PTPRR: variants seen among roughly 807,000 people sequenced by gnomAD.
The protein encoded by PTPRR is receptor-type tyrosine-protein phosphatase R.
PTPRR carries 38 observed loss-of-function variants against 77.2 expected under a neutral mutation model. The observed-to-expected ratio is 0.49, with a 90% CI of 0.38 to 0.65. The LOEUF (loss-of-function observed/expected upper bound fraction) is 0.65. Ranked by LOEUF, PTPRR falls within the 30% of genes least tolerant of loss-of-function variation. The probability of loss-of-function intolerance (pLI) is 0.00; values close to 1 mark genes in which losing one functional copy is unlikely to be tolerated. For synonymous variants in PTPRR, 299 were observed against 283.1 expected, an observed-to-expected ratio of 1.06 and a Z score of -0.57; for missense variants, 744 against 799.2, an observed-to-expected ratio of 0.93 and a Z score of 0.83.
intron 10 of PTPRR, chr12:70,673,031 C>CAAAAA (rs1229938892): frequency 4.4e-4 from 202 of 457,938 alleles, no homozygotes; most frequent in African/African-American, 3.0e-3. Flanking sequence ...CGGGCCAAAG[C>CAAAAA]AAAAAAAAAA....
At chr12:70,805,998 T>C (rs1290051909) in intron 2 of PTPRR, among the ~76,000 whole-genome samples, 1 of 152,210 alleles carries the variant, frequency 6.6e-6, no homozygotes, top group African/African-American at 2.4e-5. Flanking sequence ...TCTTTATATG[T>C]AATATATAGA....
In PTPRR at chr12:70,890,584, T is replaced by C. The variant is rs145638554; in HGVS notation, c.357+2095A>G. Among the ~76,000 whole-genome samples, 541 of 152,140 alleles carry C rather than the reference T, an allele frequency of 3.6e-3. 1 individual carries two copies. The highest frequency in any genetic ancestry group is 0.01 in the African/African-American group (420 of 41,518). On this transcript the variant is annotated intron_variant, in intron 2 of 13. Transcript: ENST00000283228. The stretch of plus-strand genomic sequence containing the variant: ...TTACATATAAAGTTTAGAGGTTGAG[T>C]GTAGCTTTTTACCCTGGCTGGAAAA...
chr12:70,641,355 C>A (rs1025074597), intron 13 of PTPRR, among the ~76,000 whole-genome samples: 4 of 152,126 alleles, frequency 2.6e-5, no homozygotes, highest in African/African-American at 9.7e-5. Context: ...CAAGATTTTC[C>A]CCTTCTTGTA....
intron 2 of PTPRR, among the ~76,000 whole-genome samples, chr12:70,855,823 C>T (rs917052475): frequency 9.9e-5 from 15 of 152,084 alleles, no homozygotes; most frequent in Non-Finnish European, 2.1e-4. Context: ...TGCTTGAAAA[C>T]CTGCATATAA....
rs1565672282 is a variant in PTPRR, at chr12:70,733,449, AG to A, written c.1007+12368del. Among the ~76,000 whole-genome samples, 38 of 93,006 alleles carry A rather than the reference AG, an allele frequency of 4.1e-4. 1 individual carries two copies. The highest frequency in any genetic ancestry group is 4.9e-4 in the Non-Finnish European group (22 of 45,338). 61.0% of individuals were successfully genotyped at this position (93,006 alleles called of 152,430 possible). On this transcript the variant is annotated intron_variant, in intron 6 of 13. Transcript: ENST00000283228. ...CAACAAAAAAAAAAAAAAAAAAGAA[AG>A]AAAAAAAGAAAAATTATGGCAAAAA... is the stretch of plus-strand genomic sequence containing the variant.
intron 1 of PTPRR, among the ~76,000 whole-genome samples, chr12:70,894,733 A>T (rs559090470): frequency 1.1e-4 from 16 of 151,752 alleles, no homozygotes; most frequent in Non-Finnish European, 2.1e-4. Flanking sequence ...TCTGAATTCC[A>T]TTATACTACA....
intron 8 of PTPRR, among the ~76,000 whole-genome samples, chr12:70,697,084 G>A (rs1443801827): frequency 6.6e-6 from 1 of 151,844 alleles, no homozygotes; most frequent in Non-Finnish European, 1.5e-5. Context: ...TTTCTTTTAG[G>A]TAATATTTAC....
rs143271868 is a variant in PTPRR, at chr12:70,647,445, A to G, written c.1881-8168T>C. 3.5e-3 allele frequency among the ~76,000 whole-genome samples: 537 copies of G among 151,914 alleles called. 7 individuals are homozygous for G. Among genetic ancestry groups the G allele is most frequent in the African/African-American group, 0.012 (519 of 41,558 alleles). On this transcript the variant is annotated intron_variant, in intron 13 of 13. Coordinates refer to ENST00000283228, the MANE Select transcript of PTPRR (RefSeq NM_002849.4). ...GAAGCACTGTCTGATGTTAAAATAT[A>G]AACATCATCTATAGTAATAAACTGA...
intron 6 of PTPRR, among the ~76,000 whole-genome samples, chr12:70,735,666 G>T (rs1889837873): frequency 6.6e-6 from 1 of 152,204 alleles, no homozygotes; most frequent in African/African-American, 2.4e-5. Flanking sequence ...TGCAGATTTT[G>T]TAAGCAGGTT....
chr12:70,698,258 A>C lies in PTPRR; in HGVS notation c.1279+7T>G, dbSNP rs1327846811. The stretch of plus-strand genomic sequence containing the variant: ...TACAATGCAAATTATAAAATCAAGA[A>C]GCTTACTTGGTAAAATGGTCTTATA... On this transcript the variant is annotated splice_region_variant and intron_variant, in intron 8 of 13. Transcript: ENST00000283228. The C allele has an allele frequency of 6.2e-7, 1 of 1,611,094 alleles. No individual in the cohort carries two copies. The highest frequency in any genetic ancestry group is 8.5e-7 in the Non-Finnish European group (1 of 1,177,874).
chr12:70,654,431 AGCTGAGTGTG>A (rs1195425325), intron 13 of PTPRR, among the ~76,000 whole-genome samples: 4 of 152,102 alleles, frequency 2.6e-5, no homozygotes, highest in African/African-American at 9.7e-5. Context: ...TACAAAACTC[AGCTGAGTGTG>A]GCACACGCTT....
chr12:70,764,845 C>T (rs1324223724), intron 2 of PTPRR, 67 bp from the exon 3 acceptor site: 1 of 1,173,524 alleles, frequency 8.5e-7, no homozygotes, highest in African/African-American at 1.5e-5. Context: ...TAGAATACAT[C>T]CAAATAAGTA....
chr12:70,685,910 C>T (rs1395646466), intron 8 of PTPRR, among the ~76,000 whole-genome samples: 1 of 152,178 alleles, frequency 6.6e-6, no homozygotes, highest in African/African-American at 2.4e-5. Context: ...CAAAGGTACA[C>T]AGCCAAGAAG....
intron 6 of PTPRR, among the ~76,000 whole-genome samples, chr12:70,738,190 T>G (rs1889933218): frequency 6.6e-6 from 1 of 152,206 alleles, no homozygotes; most frequent in Non-Finnish European, 1.5e-5. Flanking sequence ...AAGGAAACCT[T>G]TAGACTCACA....
intron 6 of PTPRR, 50 bp downstream of exon 6, chr12:70,745,768 T>A: frequency 6.4e-7 from 1 of 1,559,242 alleles, no homozygotes; most frequent in Non-Finnish European, 8.7e-7. Context: ...AGTTGATGAA[T>A]ACTCTTTTTA....
Position 70,684,135 on chromosome 12 carries a change from T to C in PTPRR, c.1489A>G (p.Lys497Glu). Residue 497 changes from lysine (K) to glutamate (E), a missense_variant, in exon 10 of 14, where the codon AAA becomes GAA. By Grantham distance (56) the Lys-to-Glu change is moderately conservative. Transcript: ENST00000283228. The part of the protein sequence containing the change: ...VIVMITKLKE[K>E]NEKCVLYWPE... The stretch of plus-strand genomic sequence containing the variant: ...TTGATTAAAGATCATACCTCATTTT[T>C]TTCTTTGAGTTTTGTGATCATAACA... The C allele has an allele frequency of 1.2e-6, 2 of 1,613,878 alleles. No homozygotes were observed. The highest frequency in any genetic ancestry group is 2.2e-5 in the East Asian group (1 of 44,876).
intron 2 of PTPRR, among the ~76,000 whole-genome samples, chr12:70,851,135 C>T (rs892192121): frequency 5.3e-5 from 8 of 152,096 alleles, no homozygotes; most frequent in Admixed American, 2.0e-4. Context: ...AGAAAACTAA[C>T]GTTAGGTAAT....
At chr12:70,643,791 T>C (rs1886097416) in intron 13 of PTPRR, among the ~76,000 whole-genome samples, 1 of 152,076 alleles carries the variant, frequency 6.6e-6, no homozygotes, top group Non-Finnish European at 1.5e-5. Context: ...CTTTTTCTTT[T>C]TGGGGCAGGG....
chr12:70,904,499 A>C (rs7965431), intron 1 of PTPRR, among the ~76,000 whole-genome samples: 1 of 151,650 alleles, frequency 6.6e-6, no homozygotes, highest in South Asian at 2.1e-4. Context: ...AAGACAAAAA[A>C]ATATAGTTAT....
Sources: allele counts gnomAD v4.1 joint callset (sites outside exome capture counted in the v4.1 genomes callset), GRCh38; gene constraint gnomAD v4.1.1; transcripts MANE v1.5; gene names NCBI Gene and HGNC (gene_info 2026-07-23, HGNC 2026-07-21).